Variants in PLCE1 observed in about 807,000 individuals in gnomAD.
PLCE1 encodes the protein 1-phosphatidylinositol 4,5-bisphosphate phosphodiesterase epsilon-1.
A neutral mutation model predicts 242.8 loss-of-function variants in PLCE1; 119 were observed. The observed-to-expected ratio is 0.49, with a 90% CI of 0.42 to 0.57. The LOEUF is 0.57. Ranked by LOEUF, PLCE1 falls within the 20% of genes least tolerant of loss-of-function variation. The pLI is 0.00. For missense variants in PLCE1, 2,441 were observed against 2,788.8 expected, an observed-to-expected ratio of 0.88 and a Z score of 2.81; for synonymous variants, 945 against 1,017.4, an observed-to-expected ratio of 0.93 and a Z score of 1.35.
intron 29 of PLCE1, among the ~76,000 whole-genome samples, chr10:94,321,064 C>T (rs1395719528): frequency 6.6e-5 from 10 of 152,246 alleles, no homozygotes; most frequent in African/African-American, 2.2e-4. Context: ...TAATCTAATT[C>T]TCATAATTTT....
intron 2 of PLCE1, among the ~76,000 whole-genome samples, chr10:94,094,328 A>AC (rs35800725): frequency 0.41 from 61,936 of 151,848 alleles, 16,193 homozygotes; most frequent in African/African-American, 0.75. Flanking sequence ...TTAGAGAGAA[A>AC]CAGTAAACAA....
intron 4 of PLCE1, among the ~76,000 whole-genome samples, chr10:94,193,828 C>T (rs532789216): frequency 6.6e-6 from 1 of 152,336 alleles, no homozygotes; most frequent in African/African-American, 2.4e-5. Flanking sequence ...TAAGTTGAAA[C>T]AAATTCGCTC....
intron 1 of PLCE1, among the ~76,000 whole-genome samples, chr10:94,027,984 A>G (rs2061485316): frequency 6.6e-6 from 1 of 152,174 alleles, no homozygotes; most frequent in African/African-American, 2.4e-5. Flanking sequence ...CTAAGAGAAG[A>G]GATTCTGTAG....
intron 4 of PLCE1, among the ~76,000 whole-genome samples, chr10:94,184,033 G>T (rs2136485785): frequency 6.6e-6 from 1 of 152,292 alleles, no homozygotes; most frequent in Non-Finnish European, 1.5e-5. Flanking sequence ...TAAACTATCA[G>T]CAAGTTTCAT....
At chr10:94,309,216 G>C (rs1262510747) in intron 27 of PLCE1, among the ~76,000 whole-genome samples, 1 of 152,246 alleles carries the variant, frequency 6.6e-6, no homozygotes, top group Admixed American at 6.5e-5. Context: ...AGGCTCTGCT[G>C]GCGATGCATA....
At chr10:94,278,016 T>C (rs2052027809) in intron 19 of PLCE1, among the ~76,000 whole-genome samples, 1 of 152,160 alleles carries the variant, frequency 6.6e-6, no homozygotes. Flanking sequence ...AAAACCCACT[T>C]TGAGAAATCG....
intron 24 of PLCE1, among the ~76,000 whole-genome samples, chr10:94,301,507 T>G (rs770066325): frequency 1.3e-5 from 2 of 152,034 alleles, no homozygotes; most frequent in East Asian, 3.9e-4. Context: ...AGAGAAACCC[T>G]CCCAGGGCCA....
intron 2 of PLCE1, among the ~76,000 whole-genome samples, chr10:94,075,411 G>A (rs1396091672): frequency 2.0e-5 from 3 of 152,210 alleles, no homozygotes; most frequent in Non-Finnish European, 4.4e-5. Flanking sequence ...TAATGTCCAT[G>A]TTGGTTTACT....
At chr10:94,027,779 C>A (rs2134449135) in intron 1 of PLCE1, among the ~76,000 whole-genome samples, 1 of 152,140 alleles carries the variant, frequency 6.6e-6, no homozygotes, top group Middle Eastern at 3.4e-3. Context: ...CAAGATCATG[C>A]CACTGCACTC....
At chr10:94,319,852 C>CTAAAAGG (rs2053717719) in intron 29 of PLCE1, among the ~76,000 whole-genome samples, 1 of 142,800 alleles carries the variant, frequency 7.0e-6, no homozygotes, top group Non-Finnish European at 1.5e-5. Flanking sequence ...CTGAGGGAGG[C>CTAAAAGG]TCAAAGGTGC....
intron 29 of PLCE1, among the ~76,000 whole-genome samples, chr10:94,319,450 T>C (rs2053700147): frequency 6.6e-6 from 1 of 152,248 alleles, no homozygotes; most frequent in African/African-American, 2.4e-5. Flanking sequence ...TTTGCCCATA[T>C]ATGAAAATTC....
At chr10:94,091,791 G>A (rs2045085266) in intron 2 of PLCE1, among the ~76,000 whole-genome samples, 1 of 151,870 alleles carries the variant, frequency 6.6e-6, no homozygotes, top group East Asian at 1.9e-4. Flanking sequence ...CAATAGAAGG[G>A]GGTTATGGGC....
chr10:94,190,057 T>G (rs2048608868), intron 4 of PLCE1, among the ~76,000 whole-genome samples: 1 of 152,056 alleles, frequency 6.6e-6, no homozygotes, highest in Non-Finnish European at 1.5e-5. Flanking sequence ...TCCCAATGGG[T>G]GGACTGCTTG....
At chr10:94,216,803 T>C (rs972569191) in intron 4 of PLCE1, among the ~76,000 whole-genome samples, 2 of 152,050 alleles carry the variant, frequency 1.3e-5, no homozygotes, top group Non-Finnish European at 2.9e-5. Context: ...GCTAAAATTC[T>C]GTTTCTAAAG....
chr10:94,082,494 G>A (rs755652042), intron 2 of PLCE1, among the ~76,000 whole-genome samples: 2 of 152,192 alleles, frequency 1.3e-5, no homozygotes, highest in Non-Finnish European at 2.9e-5. Flanking sequence ...CAATCACAGG[G>A]ACAGCGCTTA....
intron 1 of PLCE1, among the ~76,000 whole-genome samples, chr10:94,030,239 C>T (rs1467456948): frequency 6.6e-6 from 1 of 152,084 alleles, no homozygotes; most frequent in Non-Finnish European, 1.5e-5. Context: ...TCCTTGGCCT[C>T]CCTGAAGTCT....
Position 94,279,046 on chromosome 10 carries a change from AC to A in PLCE1, c.4666-732del, listed in dbSNP as rs1355446273. Among the ~76,000 whole-genome samples the A allele has an allele frequency of 2.0e-5, 3 of 152,064 alleles. No homozygotes were observed. The South Asian group carries it at 6.2e-4, about 32-fold the overall frequency. ...TCCAGCAGACAACCATTGCTTACTG[AC>A]CCCGTTCCTCTACCCCGTTTAGATT... On this transcript the variant is annotated intron_variant, in intron 19 of 32. Coordinates refer to ENST00000371380, the MANE Select transcript of PLCE1 (RefSeq NM_016341.4).
At chr10:94,234,404 T>C in intron 6 of PLCE1, 92 bp downstream of exon 6, 2 of 1,295,174 alleles carry the variant, frequency 1.5e-6, no homozygotes, top group African/African-American at 1.4e-5. Flanking sequence ...AAATGATCAC[T>C]GATTGAACAC....
At chr10:94,174,773 G>T (rs1383415076) in intron 4 of PLCE1, among the ~76,000 whole-genome samples, 1 of 152,094 alleles carries the variant, frequency 6.6e-6, no homozygotes, top group Non-Finnish European at 1.5e-5. Flanking sequence ...AAAAATTGAG[G>T]AACTGTTAAA....
Sources: gnomAD v4.1 joint callset for allele counts (sites outside exome capture counted in the v4.1 genomes callset) on GRCh38, gnomAD v4.1.1 for gene constraint, MANE v1.5 for transcripts, NCBI Gene and HGNC (gene_info 2026-07-23, HGNC 2026-07-21) for gene names.